The following GP6 variants were observed in gnomAD, a reference collection of about 807,000 sequenced individuals.
GP6 encodes the protein platelet glycoprotein VI.
Under a neutral mutation model 37.3 loss-of-function variants are expected in GP6, and 45 were observed. The observed-to-expected ratio is 1.21, with a 90% CI of 0.95 to 1.55. GP6 has a LOEUF of 1.55. Among genes scored for constraint, GP6 ranks in the 40% most tolerant of loss-of-function variants. GP6 has a pLI of 0.00. For synonymous variants in GP6, 340 were observed against 316.4 expected (o/e 1.07, Z -0.79); for missense variants, 813 against 760.2 (o/e 1.07, Z -0.82).
intron 4 of GP6, among the ~76,000 whole-genome samples, chr19:55,026,134 G>T (rs1016264894): frequency 6.6e-6 from 1 of 151,944 alleles, no homozygotes; most frequent in Non-Finnish European, 1.5e-5. Context: ...GGATTCCTGT[G>T]TCCTACCCCT....
rs752698122 is a variant in GP6, at chr19:55,032,140, C to T, written c.324G>A (p.Thr108=). ...AGGCTCCGATCCCCCTTCCTTTACC[C>T]GTGGCAACGAGCTCCAGCTGGTCGC... Residue 108 remains threonine, a splice_region_variant and synonymous_variant, in exon 3 of 8, where the codon ACG becomes ACA. Transcript: ENST00000310373. 15 of 1,613,662 alleles carry T rather than the reference C, an allele frequency of 9.3e-6. No individual in the cohort carries two copies. Among genetic ancestry groups the T allele is most frequent in the African/African-American group, 4.0e-5 (3 of 75,050 alleles).
At chr19:55,021,001 G>A (rs1461260059) in intron 5 of GP6, among the ~76,000 whole-genome samples, 7 of 147,762 alleles carry the variant, frequency 4.7e-5, no homozygotes, top group South Asian at 2.1e-4. Context: ...GCAGTGAGCC[G>A]AGATCATGCC....
At chr19:55,017,134 T>A (rs1003037129) in intron 6 of GP6, among the ~76,000 whole-genome samples, 41 of 151,536 alleles carry the variant, frequency 2.7e-4, no homozygotes, top group African/African-American at 8.7e-4. Context: ...TTTTTTTTTT[T>A]AATACGGAGT....
intron 1 of GP6, among the ~76,000 whole-genome samples, chr19:55,034,118 G>T (rs1011039187): frequency 3.5e-5 from 4 of 114,418 alleles, no homozygotes; most frequent in Admixed American, 1.7e-4. Context: ...ACATACACAC[G>T]TGTATATGTA....
At chr19:55,036,222 A>T (rs532591737) in intron 1 of GP6, among the ~76,000 whole-genome samples, 1 of 152,114 alleles carries the variant, frequency 6.6e-6, no homozygotes, top group Non-Finnish European at 1.5e-5. Flanking sequence ...AGGCATGCAG[A>T]GTGATGTAAT....
At chr19:55,028,035 A>G (rs1003244963) in intron 3 of GP6, among the ~76,000 whole-genome samples, 173 bp from the exon 4 acceptor site, 6 of 152,176 alleles carry the variant, frequency 3.9e-5, no homozygotes. Context: ...TGGTTGAGGA[A>G]GGAGGCTGTG....
intron 1 of GP6, among the ~76,000 whole-genome samples, chr19:55,034,094 A>ATG (rs2074719582): frequency 6.6e-6 from 1 of 151,166 alleles, no homozygotes; most frequent in Non-Finnish European, 1.5e-5. Flanking sequence ...GTGTATGTAC[A>ATG]TATACACGTG....
chr19:55,036,602 T>TGGG (rs913430967), intron 1 of GP6, among the ~76,000 whole-genome samples: 4 of 151,986 alleles, frequency 2.6e-5, no homozygotes, highest in African/African-American at 9.7e-5. Context: ...AGGAGGCTGA[T>TGGG]GGGGAGGCAC....
At chr19:55,029,331 TA>T (rs2074435010) in intron 3 of GP6, among the ~76,000 whole-genome samples, 1 of 1,052 alleles carries the variant, frequency 9.5e-4, no homozygotes, top group Non-Finnish European at 1.7e-3. Context: ...TATATATATA[TA>T]TATATATATA....
chr19:55,029,527 A>G (rs534152265), intron 3 of GP6, among the ~76,000 whole-genome samples: 3 of 149,882 alleles, frequency 2.0e-5, no homozygotes, highest in Admixed American at 6.7e-5. Flanking sequence ...AGTAGCTGGG[A>G]CTACAGGCAT....
Position 55,029,529 on chromosome 19 carries a change from T to G in GP6, c.326-1667A>C, listed in dbSNP as rs561294134. 1.1e-4 allele frequency among the ~76,000 whole-genome samples: 17 copies of G among 150,370 alleles called. No homozygotes were observed. The South Asian group carries it at 3.6e-3, about 32-fold the overall frequency. ...CCTCAGCCTCCCGAGTAGCTGGGAC[T>G]ACAGGCATGCACCACCATGCCCAGT... On this transcript the variant is annotated intron_variant, in intron 3 of 7. Coordinates refer to ENST00000310373, the MANE Select transcript of GP6 (RefSeq NM_001083899.2).
rs772352178 is a variant in GP6, at chr19:55,014,422, C to G, written c.1523G>C (p.Arg508Thr). 4 of 1,613,632 alleles carry G rather than the reference C, an allele frequency of 2.5e-6. No homozygotes were observed. Among genetic ancestry groups the G allele is most frequent in the Non-Finnish European group, 3.4e-6 (4 of 1,179,660 alleles). ...ACCCAAACTGCCTGCAAGACCCGTT[C>G]TGAGAGACGAAAGGAGATTTGTTAG... is the stretch of plus-strand genomic sequence containing the variant. The change falls in exon 8 of 8, where the codon AGA becomes ACA. Residue 508 changes from arginine to threonine, a missense_variant. Arg to Thr is a moderately conservative substitution (Grantham distance 71). Transcript: ENST00000310373.
chr19:55,013,991 T>C lies in GP6; in HGVS notation c.*91A>G. On this transcript the variant is annotated 3_prime_UTR_variant, in exon 8 of 8. Transcript: ENST00000310373. Reference sequence around the variant, plus strand: ...AGAGGGGTGGAGACGGTGCATTATCTTATTTTTATGATTTTAAAAATGTAT... The same window carrying C: ...AGAGGGGTGGAGACGGTGCATTATCCTATTTTTATGATTTTAAAAATGTAT... 14 of 468,758 alleles carry C rather than the reference T, an allele frequency of 3.0e-5. No individual in the cohort carries two copies. The highest frequency in any genetic ancestry group is 2.2e-4 in the South Asian group (14 of 63,778). 29.0% of individuals were successfully genotyped at this position (468,758 alleles called of 1,614,324 possible). A position where few individuals can be genotyped will look rare whatever the true frequency, so the allele number is the denominator to read the frequency against.
At chr19:55,034,628 C>T (rs986322354) in intron 1 of GP6, among the ~76,000 whole-genome samples, 3 of 150,786 alleles carry the variant, frequency 2.0e-5, no homozygotes, top group Admixed American at 6.6e-5. Context: ...TCTCAGAAAA[C>T]GAAGAGGAGG....
At position 55,032,122 on chromosome 19, in the gene GP6, G is replaced by T; in HGVS notation, c.325+17C>A. 1.2e-6 allele frequency: 2 copies of T among 1,612,464 alleles called. No homozygotes were observed. Among genetic ancestry groups the T allele is most frequent in the African/African-American group, 1.3e-5 (1 of 75,012 alleles). On this transcript the variant is annotated intron_variant, in intron 3 of 7. Coordinates refer to ENST00000310373, the MANE Select transcript of GP6 (RefSeq NM_001083899.2). ...GGAGGACCACGCAGTCCCAGGCTCC[G>T]ATCCCCCTTCCTTTACCCGTGGCAA...
chr19:55,034,603 CAG>C (rs1446360997), intron 1 of GP6, among the ~76,000 whole-genome samples: 1 of 151,480 alleles, frequency 6.6e-6, no homozygotes, highest in Admixed American at 6.6e-5. Context: ...AGACTGACAA[CAG>C]AGCAAGACCC....
chr19:55,026,546 A>G (rs1186810360), intron 4 of GP6, among the ~76,000 whole-genome samples: 1 of 152,090 alleles, frequency 6.6e-6, no homozygotes, highest in Non-Finnish European at 1.5e-5. Flanking sequence ...TTGCATGTAT[A>G]TAACCACATT....
rs1168407299 is a variant in GP6 at position 55,016,592 on chromosome 19, T to C, written c.725-859A>G. ...GATTTCACCATATTGGCCAGGTTGG[T>C]TTTGAACTCCTGACCTTGTGATCCG... On this transcript the variant is annotated intron_variant, in intron 6 of 7. Transcript: ENST00000310373. 3.3e-5 allele frequency among the ~76,000 whole-genome samples: 5 copies of C among 151,708 alleles called. No individual in the cohort carries two copies. In the East Asian group the frequency reaches 1.0e-3, roughly 30 times the overall value.
intron 1 of GP6, among the ~76,000 whole-genome samples, chr19:55,036,302 G>C (rs765366196): frequency 3.9e-5 from 6 of 152,024 alleles, no homozygotes; most frequent in African/African-American, 7.3e-5. Flanking sequence ...TAGGTACAAG[G>C]TACACTAGTC....
Sources: gnomAD v4.1 joint callset for allele counts (sites outside exome capture counted in the v4.1 genomes callset) on GRCh38, gnomAD v4.1.1 for gene constraint, MANE v1.5 for transcripts, NCBI Gene and HGNC (gene_info 2026-07-23, HGNC 2026-07-21) for gene names.